Variants in APBB2 observed in about 807,000 individuals in gnomAD.
APBB2 encodes the protein Fe65-like 1.
Under a neutral mutation model 82.5 loss-of-function variants are expected in APBB2, and 38 were observed. The observed-to-expected ratio is 0.46, with a 90% CI of 0.36 to 0.60. The LOEUF (loss-of-function observed/expected upper bound fraction) is 0.60, where lower values mean the gene tolerates loss of function less well. APBB2 is among the 20% of genes least tolerant of loss of function. APBB2 has a pLI of 0.00. For missense variants in APBB2, 772 were observed against 972.3 expected, an observed-to-expected ratio of 0.79 and a Z score of 2.74; for synonymous variants, 341 against 368.2, an observed-to-expected ratio of 0.93 and a Z score of 0.85.
chr4:41,050,430 G>T (rs1385294350), intron 4 of APBB2, among the ~76,000 whole-genome samples: 3 of 152,206 alleles, frequency 2.0e-5, no homozygotes, highest in Non-Finnish European at 1.5e-5. Context: ...ACATTCTGCT[G>T]GTGACTGAAG....
intron 12 of APBB2, among the ~76,000 whole-genome samples, chr4:40,858,408 T>C (rs1380156550): frequency 7.8e-6 from 1 of 127,758 alleles, no homozygotes; most frequent in Non-Finnish European, 1.5e-5. Context: ...TGAGCCAAGA[T>C]CGCGCCACTG....
At chr4:41,106,218 C>T (rs935601992) in intron 2 of APBB2, among the ~76,000 whole-genome samples, 4 of 152,150 alleles carry the variant, frequency 2.6e-5, no homozygotes, top group Non-Finnish European at 2.9e-5. Flanking sequence ...TATTCTCAGG[C>T]TCTCTAAGTC....
chr4:41,031,314 G>A (rs1419133617), intron 5 of APBB2, among the ~76,000 whole-genome samples: 1 of 152,136 alleles, frequency 6.6e-6, no homozygotes, highest in Non-Finnish European at 1.5e-5. Context: ...CCTAGAGTTA[G>A]AAAAAGGAGC....
intron 12 of APBB2, among the ~76,000 whole-genome samples, chr4:40,838,818 A>T (rs576818202): frequency 6.6e-6 from 1 of 152,186 alleles, no homozygotes; most frequent in South Asian, 2.1e-4. Flanking sequence ...TTCTCTCCCT[A>T]AATCTCTCCT....
chr4:41,181,020 G>A (rs10938552), intron 1 of APBB2, among the ~76,000 whole-genome samples: 64,067 of 152,024 alleles, frequency 0.42, 14,818 homozygotes, highest in African/African-American at 0.63. Context: ...CAAAAGAGCA[G>A]GAACGTCAGT....
At position 40,942,698 on chromosome 4, in the gene APBB2, T is replaced by C. The variant is rs542047536; in HGVS notation, c.1044+2167A>G. ...AGGAGGTGCCAAGGGTGTGCCCTTC[T>C]GAGCCTGGGAGGGGCCCTGGGCAGT... On this transcript the variant is annotated intron_variant, in intron 7 of 17. Transcript: ENST00000508593. Among the ~76,000 whole-genome samples, 5 of 152,200 alleles carry C rather than the reference T, an allele frequency of 3.3e-5. No homozygotes were observed. The East Asian group carries it at 7.7e-4, about 24-fold the overall frequency.
intron 2 of APBB2, among the ~76,000 whole-genome samples, chr4:41,130,159 G>A (rs567387071): frequency 6.6e-6 from 1 of 152,312 alleles, no homozygotes; most frequent in Non-Finnish European, 1.5e-5. Flanking sequence ...GATGGGGCCA[G>A]CATTCCAACA....
intron 13 of APBB2, among the ~76,000 whole-genome samples, chr4:40,829,240 G>A (rs1751010221): frequency 6.6e-6 from 1 of 152,120 alleles, no homozygotes; most frequent in South Asian, 2.1e-4. Flanking sequence ...AGCAGCCCCT[G>A]GCCCTGGTCT....
chr4:40,998,317 C>T (rs531523500), intron 6 of APBB2, among the ~76,000 whole-genome samples: 55 of 152,230 alleles, frequency 3.6e-4, no homozygotes, highest in South Asian at 1.0e-3. Flanking sequence ...TTCCAAATAA[C>T]CAACGCATGA....
At chr4:40,893,626 ATC>A (rs1183098836) in intron 10 of APBB2, among the ~76,000 whole-genome samples, 2 of 152,216 alleles carry the variant, frequency 1.3e-5, no homozygotes, top group African/African-American at 4.8e-5. Context: ...AGTGACAAAT[ATC>A]TTTTTGCCTG....
intron 10 of APBB2, among the ~76,000 whole-genome samples, chr4:40,929,704 G>A (rs2154372683): frequency 6.6e-6 from 1 of 152,334 alleles, no homozygotes; most frequent in African/African-American, 2.4e-5. Context: ...CGTGGACAAA[G>A]AGGAGTACTC....
At chr4:40,986,409 TA>T (rs1447801200) in intron 6 of APBB2, among the ~76,000 whole-genome samples, 8 of 152,296 alleles carry the variant, frequency 5.3e-5, no homozygotes, top group African/African-American at 1.9e-4. Context: ...CAAAGCAAAA[TA>T]AACAGCTTCA....
intron 5 of APBB2, among the ~76,000 whole-genome samples, chr4:41,029,583 A>G (rs909738407): frequency 6.6e-6 from 1 of 152,364 alleles, no homozygotes; most frequent in South Asian, 2.1e-4. Flanking sequence ...TTTAAGACAG[A>G]TGTATCACAT....
At chr4:41,161,190 A>C (rs1427903961) in intron 1 of APBB2, among the ~76,000 whole-genome samples, 1 of 145,762 alleles carries the variant, frequency 6.9e-6, no homozygotes, top group African/African-American at 2.5e-5. Flanking sequence ...AAAAAAAAAA[A>C]AAAACGTGGT....
chr4:40,834,779 T>C (rs1422726209), intron 12 of APBB2, among the ~76,000 whole-genome samples: 1 of 151,982 alleles, frequency 6.6e-6, no homozygotes, highest in East Asian at 1.9e-4. Flanking sequence ...AGAAAACGGA[T>C]TCTCCCCGAG....
intron 10 of APBB2, among the ~76,000 whole-genome samples, chr4:40,894,062 G>T (rs1380898406): frequency 6.6e-6 from 1 of 152,034 alleles, no homozygotes; most frequent in African/African-American, 2.4e-5. Flanking sequence ...GCCGAGGTAG[G>T]CAGATCACGA....
At chr4:41,207,050 T>C (rs1472349230) in intron 1 of APBB2, among the ~76,000 whole-genome samples, 1 of 151,728 alleles carries the variant, frequency 6.6e-6, no homozygotes, top group African/African-American at 2.4e-5. Context: ...AATACAAAAA[T>C]TAGCCGGATA....
At chr4:41,180,966 T>A (rs1006865348) in intron 1 of APBB2, among the ~76,000 whole-genome samples, 14 of 152,146 alleles carry the variant, frequency 9.2e-5, no homozygotes, top group Non-Finnish European at 2.1e-4. Flanking sequence ...AAAATCACAT[T>A]TGATCAAATG....
chr4:40,841,492 C>CT (rs1408569363), intron 12 of APBB2, among the ~76,000 whole-genome samples: 1 of 152,082 alleles, frequency 6.6e-6, no homozygotes, highest in Admixed American at 6.5e-5. Flanking sequence ...GTCAAAATCT[C>CT]TTGTTTCATA....
Sources: gnomAD v4.1 joint callset for allele counts (sites outside exome capture counted in the v4.1 genomes callset) on GRCh38, gnomAD v4.1.1 for gene constraint, MANE v1.5 for transcripts, NCBI Gene and HGNC (gene_info 2026-07-23, HGNC 2026-07-21) for gene names.